The following CFAP44 variants were observed in gnomAD, a reference collection of about 807,000 sequenced individuals.
CFAP44 encodes the protein cilia and flagella associated protein 44, also known as cilia- and flagella-associated protein 44.
Under a neutral mutation model 216.2 loss-of-function variants are expected in CFAP44, and 134 were observed. The observed-to-expected ratio is 0.62, with a 90% CI of 0.54 to 0.72. The LOEUF (loss-of-function observed/expected upper bound fraction) is 0.72, where lower values mean the gene tolerates loss of function less well. CFAP44 is among the 30% of genes least tolerant of loss of function. The probability of loss-of-function intolerance (pLI) is 0.00; values close to 1 mark genes in which losing one functional copy is unlikely to be tolerated. For missense variants in CFAP44, 2,035 were observed against 2,182.1 expected (o/e 0.93, Z 1.34); for synonymous variants, 700 against 727.6 (o/e 0.96, Z 0.61).
intron 24 of CFAP44, among the ~76,000 whole-genome samples, chr3:113,340,570 G>T (rs141220795): frequency 0.012 from 1,875 of 152,266 alleles, 16 homozygotes; most frequent in Non-Finnish European, 0.019. Flanking sequence ...GTGCGATGGG[G>T]GTGTGGCTCG....
At position 113,396,442 on chromosome 3, in the gene CFAP44, T is replaced by A. The variant is rs1404282212; in HGVS notation, c.1779+76A>T. On this transcript the variant is annotated intron_variant, in intron 14 of 34. Transcript: ENST00000393845. ...AAAATGAATTTCAGTAAATAAGACA[T>A]GATGAAGTAGGAGGACTTATAAGGC... is the stretch of plus-strand genomic sequence containing the variant. The A allele has an allele frequency of 2.1e-6, 3 of 1,441,606 alleles. No homozygotes were observed. In the African/African-American group the frequency reaches 4.3e-5, roughly 21 times the overall value. The allele number at this position is 1,441,606 out of a possible 1,614,324, so 89.3% of individuals were successfully genotyped here.
At chr3:113,337,731 T>C (rs1477101430) in intron 24 of CFAP44, among the ~76,000 whole-genome samples, 2 of 152,112 alleles carry the variant, frequency 1.3e-5, no homozygotes, top group Non-Finnish European at 2.9e-5. Context: ...CTAGAGTAAT[T>C]GGACATCCGT....
At chr3:113,317,435 GCC>G (rs10594548) in intron 28 of CFAP44, among the ~76,000 whole-genome samples, 5,441 of 152,284 alleles carry the variant, frequency 0.036, 304 homozygotes, top group African/African-American at 0.12. Flanking sequence ...TTCTCTGCAA[GCC>G]CTCCTGCCTG....
intron 28 of CFAP44, among the ~76,000 whole-genome samples, chr3:113,308,875 G>C (rs893288483): frequency 1.3e-5 from 2 of 152,070 alleles, no homozygotes; most frequent in Admixed American, 1.3e-4. Context: ...CAAAGTGCTG[G>C]GATTACAGGC....
At chr3:113,335,832 T>C (rs909589348) in intron 24 of CFAP44, among the ~76,000 whole-genome samples, 4 of 152,222 alleles carry the variant, frequency 2.6e-5, no homozygotes, top group Non-Finnish European at 5.9e-5. Context: ...AGACTGTATA[T>C]GCGTGGCCAT....
chr3:113,360,092 A>AC (rs1950523801), intron 21 of CFAP44, among the ~76,000 whole-genome samples: 1 of 152,086 alleles, frequency 6.6e-6, no homozygotes, highest in Admixed American at 6.5e-5. Flanking sequence ...AAAAAAAAAA[A>AC]AGTGTGGTAG....
intron 6 of CFAP44, among the ~76,000 whole-genome samples, chr3:113,415,181 C>T (rs1934610279): frequency 6.6e-6 from 1 of 151,954 alleles, no homozygotes; most frequent in Admixed American, 6.6e-5. Context: ...TGATGGTAGT[C>T]TGTATTTCTG....
At chr3:113,435,109 G>A (rs1935204587) in intron 1 of CFAP44, among the ~76,000 whole-genome samples, 1 of 152,174 alleles carries the variant, frequency 6.6e-6, no homozygotes, top group African/African-American at 2.4e-5. Flanking sequence ...TGTAATCCTG[G>A]CAGTTTGACA....
At chr3:113,327,463 G>C (rs1316093714) in intron 27 of CFAP44, among the ~76,000 whole-genome samples, 153 bp downstream of exon 27, 1 of 151,954 alleles carries the variant, frequency 6.6e-6, no homozygotes, top group Non-Finnish European at 1.5e-5. Flanking sequence ...ATGGAGACTA[G>C]GTAGGAATAA....
chr3:113,371,932 C>T (rs566903264), intron 18 of CFAP44, among the ~76,000 whole-genome samples: 2 of 152,200 alleles, frequency 1.3e-5, no homozygotes, highest in African/African-American at 2.4e-5. Context: ...TGAACAGACA[C>T]TTCTCAATAG....
At chr3:113,337,774 T>C (rs542496902) in intron 24 of CFAP44, among the ~76,000 whole-genome samples, 4 of 152,164 alleles carry the variant, frequency 2.6e-5, no homozygotes, top group Admixed American at 2.6e-4. Context: ...AACCTAAGTC[T>C]GATAACTTAT....
At chr3:113,440,761 T>C (rs914880145) in intron 1 of CFAP44, among the ~76,000 whole-genome samples, 1 of 152,180 alleles carries the variant, frequency 6.6e-6, no homozygotes, top group African/African-American at 2.4e-5. Flanking sequence ...CGGTCTGGTG[T>C]AAAGGTCCCT....
At chr3:113,349,118 A>G (rs1002530912) in intron 22 of CFAP44, among the ~76,000 whole-genome samples, 1 of 152,194 alleles carries the variant, frequency 6.6e-6, no homozygotes, top group Non-Finnish European at 1.5e-5. Context: ...AGAAGGACTA[A>G]GGACAATTAA....
Position 113,435,025 on chromosome 3 carries a change from CAG to C in CFAP44, c.-5-1358_-5-1357del, listed in dbSNP as rs1199980279. On this transcript the variant is annotated intron_variant, in intron 1 of 34. Coordinates refer to ENST00000393845, the MANE Select transcript of CFAP44 (RefSeq NM_001164496.2). The stretch of plus-strand genomic sequence containing the variant: ...TGCCTTCTTTTGATATGGGGGATAA[CAG>C]TACATTGTCTAAACATTTGTATTAT... 3 of 152,262 alleles carry C rather than the reference CAG, an allele frequency of 2.0e-5. No individual in the cohort carries two copies. In the East Asian group the frequency reaches 5.8e-4, roughly 29 times the overall value. 9.4% of individuals were successfully genotyped at this position (152,262 alleles called of 1,614,324 possible). A position where few individuals can be genotyped will look rare whatever the true frequency, so the allele number is the denominator to read the frequency against.
chr3:113,291,580 CTT>C lies in CFAP44; in HGVS notation c.5540_5541del (p.Lys1847ArgfsTer22). ...ACTCAAAGGTCTGCGGGCTGTATCT[CTT>C]TCTCTCGTGGAGACTGAATGGGTGG... Reference protein sequence around the residue: ...ILPPIQSPREKEIQPADL With the variant: ...ILPPIQSPREXEIQPADL On this transcript the variant is annotated frameshift_variant, in exon 35 of 35. Transcript: ENST00000393845. LOFTEE classifies it low-confidence loss of function (END_TRUNC). 5 of 1,537,228 alleles carry C rather than the reference CTT, an allele frequency of 3.3e-6. No homozygotes were observed. The highest frequency in any genetic ancestry group is 4.4e-6 in the Non-Finnish European group (5 of 1,146,908).
rs1001923494 is a variant in CFAP44, at chr3:113,291,898, C to G, written c.5374-150G>C. The G allele has an allele frequency of 3.1e-5, 27 of 860,330 alleles. No individual in the cohort carries two copies. The Admixed American group carries it at 4.6e-4, about 15-fold the overall frequency. 53.3% of individuals were successfully genotyped at this position (860,330 alleles called of 1,614,324 possible). A position where few individuals can be genotyped will look rare whatever the true frequency, so the allele number is the denominator to read the frequency against. ...ATCTCGGGAGCCTTCAATTCCTCTG[C>G]TAAAATCCCACCATTAGAAATGTGT... On this transcript the variant is annotated intron_variant, in intron 34 of 34. Transcript: ENST00000393845.
chr3:113,370,121 A>G (rs557628372), intron 18 of CFAP44, among the ~76,000 whole-genome samples: 49 of 152,348 alleles, frequency 3.2e-4, no homozygotes, highest in African/African-American at 1.0e-3. Context: ...CCAGAACCAG[A>G]CAGATTCAAA....
chr3:113,433,429 CAAAA>C (rs58221881), intron 2 of CFAP44, 132 bp downstream of exon 2: 1,478 of 126,976 alleles, frequency 0.012, no homozygotes, highest in South Asian at 0.02. Context: ...AACTCCATCT[CAAAA>C]AAAAAAAAAA....
rs148764231 is a variant in CFAP44 at position 113,426,859 on chromosome 3, G to A, written c.253+328C>T. 930 of 264,280 alleles carry A rather than the reference G, an allele frequency of 3.5e-3. 11 individuals are homozygous for A. The highest frequency in any genetic ancestry group is 0.02 in the African/African-American group (884 of 43,906). 16.4% of individuals were successfully genotyped at this position (264,280 alleles called of 1,614,324 possible). On this transcript the variant is annotated intron_variant, in intron 3 of 34. Transcript: ENST00000393845. ...CAGGAGTAAATGCTGAGTTCTGGTC[G>A]GTCATGGCGCAACAGTCTCCAAGGG...
Sources: gnomAD v4.1 joint callset for allele counts (sites outside exome capture counted in the v4.1 genomes callset) on GRCh38, gnomAD v4.1.1 for gene constraint, MANE v1.5 for transcripts, NCBI Gene and HGNC (gene_info 2026-07-23, HGNC 2026-07-21) for gene names.